Variants in IL3RA observed in about 807,000 individuals in gnomAD.
IL3RA encodes the protein interleukin 3 receptor subunit alpha, also known as interleukin-3 receptor subunit alpha.
A neutral mutation model predicts 52.3 loss-of-function variants in IL3RA; 73 were observed. The ratio of observed to expected loss-of-function variants is 1.40; its 90% CI spans 1.16 to 1.70. The LOEUF (loss-of-function observed/expected upper bound fraction) is 1.70, where lower values mean the gene tolerates loss of function less well. Among genes scored for constraint, IL3RA ranks in the 40% most tolerant of loss-of-function variants. The pLI is 0.00. For synonymous variants in IL3RA, 260 were observed against 194.0 expected, an observed-to-expected ratio of 1.34 and a Z score of -2.83; for missense variants, 664 against 504.4, an observed-to-expected ratio of 1.32 and a Z score of -3.03.
chrX:1,361,718 A>G (rs370275940), intron 8 of IL3RA, among the ~76,000 whole-genome samples: 80 of 140,502 alleles, frequency 5.7e-4, no homozygotes, highest in African/African-American at 1.5e-3. Context: ...GCGCCACTGC[A>G]CTCCAGCCTG....
chrX:1,379,347 G>C (rs2089015041), intron 10 of IL3RA, among the ~76,000 whole-genome samples: 1 of 151,802 alleles, frequency 6.6e-6, no homozygotes, highest in Non-Finnish European at 1.5e-5. Context: ...GTGGAGACGG[G>C]GTTTCACCAT....
intron 8 of IL3RA, among the ~76,000 whole-genome samples, chrX:1,360,923 C>G (rs1439739492): frequency 3.3e-5 from 4 of 120,738 alleles, no homozygotes; most frequent in Non-Finnish European, 5.2e-5. Context: ...CTCCCTTCCC[C>G]TCTCTGTCTC....
intron 3 of IL3RA, 110 bp from the exon 4 acceptor site, chrX:1,348,321 C>G (rs1458676178): frequency 1.8e-4 from 153 of 842,392 alleles, no homozygotes; most frequent in Non-Finnish European, 2.7e-4. Context: ...CCACTGCACT[C>G]CAGCGTGGGC....
chrX:1,347,264 T>C (rs1472988011), intron 3 of IL3RA, among the ~76,000 whole-genome samples: 1 of 145,224 alleles, frequency 6.9e-6, no homozygotes, highest in Non-Finnish European at 1.5e-5. Flanking sequence ...GCTAACACGG[T>C]GAAACCCCGT....
rs1238498317 is a variant in IL3RA at position 1,349,871 on chromosome X, C to G, written c.298+1326C>G. ...AGAGACGGGGCTTCACCATGTTGGT[C>G]TCGAACTCCTGACCTTGTGATCCAC... On this transcript the variant is annotated intron_variant, in intron 4 of 11. Transcript: ENST00000331035. 4.6e-5 allele frequency among the ~76,000 whole-genome samples: 7 copies of G among 151,590 alleles called. No individual in the cohort carries two copies. In the South Asian group the frequency reaches 6.3e-4, roughly 14 times the overall value.
In IL3RA at chrX:1,362,090, C is replaced by T. The variant is rs745780446; in HGVS notation, c.760-3048C>T. 7.2e-5 allele frequency among the ~76,000 whole-genome samples: 11 copies of T among 151,904 alleles called. No individual in the cohort carries two copies. The East Asian group carries it at 2.1e-3, about 29-fold the overall frequency. The stretch of plus-strand genomic sequence containing the variant: ...TCTGTCTCCGTTTCTATCTCTGTCT[C>T]TCTCTGTCCATCACCCACTCTGTCT... On this transcript the variant is annotated intron_variant, in intron 8 of 11. Coordinates refer to ENST00000331035, the MANE Select transcript of IL3RA (RefSeq NM_002183.4).
intron 8 of IL3RA, among the ~76,000 whole-genome samples, chrX:1,363,326 A>C (rs1170404795): frequency 2.3e-5 from 3 of 132,400 alleles, no homozygotes; most frequent in Admixed American, 1.6e-4. Context: ...TTTGAGACGG[A>C]GTCTCGCTCT....
At chrX:1,346,356 T>A (rs1277992781) in intron 3 of IL3RA, among the ~76,000 whole-genome samples, 5 of 151,882 alleles carry the variant, frequency 3.3e-5, no homozygotes, top group Non-Finnish European at 1.5e-5. Flanking sequence ...GGAGAATCGC[T>A]TGAACCCGGG....
At chrX:1,339,702 G>T (rs1322675161) in intron 1 of IL3RA, among the ~76,000 whole-genome samples, 2 of 152,098 alleles carry the variant, frequency 1.3e-5, no homozygotes, top group Non-Finnish European at 2.9e-5. Flanking sequence ...TGAGGCAGGA[G>T]AATCGCTTGA....
In IL3RA at chrX:1,360,772, C is replaced by A. The variant is rs190964094; in HGVS notation, c.759+1885C>A. Among the ~76,000 whole-genome samples the A allele has an allele frequency of 4.1e-3, 620 of 152,036 alleles. 6 individuals are homozygous for A. The highest frequency in any genetic ancestry group is 0.014 in the African/African-American group (571 of 41,468). On this transcript the variant is annotated intron_variant, in intron 8 of 11. Coordinates refer to ENST00000331035, the MANE Select transcript of IL3RA (RefSeq NM_002183.4). ...CGAACTCCTGACCTCAGGCGATCCA[C>A]CTGCCTCATCCTCTCAAAGTGCTGG...
chrX:1,367,707 C>T (rs865910602), intron 9 of IL3RA, among the ~76,000 whole-genome samples: 315 of 99,994 alleles, frequency 3.2e-3, no homozygotes, highest in Non-Finnish European at 4.8e-3. Flanking sequence ...GAGCCGGGTG[C>T]GCGGGGTGAG....
At position 1,352,351 on chromosome X, in the gene IL3RA, A is replaced by G. The variant is rs1426466992; in HGVS notation, c.461A>G (p.Tyr154Cys). 1.2e-6 allele frequency: 2 copies of G among 1,613,850 alleles called. No individual in the cohort carries two copies. The highest frequency in any genetic ancestry group is 4.5e-5 in the East Asian group (2 of 44,870). The change falls in exon 6 of 12, where the codon TAC becomes TGC. Residue 154 changes from tyrosine (Y) to cysteine (C), a missense_variant. Transcript: ENST00000331035. The part of the protein sequence containing the change: ...NRRQQYECLH[Y>C]KTDAQGTRIG... ...CGTCAACAGTACGAGTGTCTTCACT[A>G]CAAAACGGATGCTCAGGGAACACGT...
At chrX:1,348,691 T>TTTC in intron 4 of IL3RA, 146 bp downstream of exon 4, 1 of 213,002 alleles carries the variant, frequency 4.7e-6, no homozygotes, top group South Asian at 6.0e-5. Flanking sequence ...TCTTTCTTTC[T>TTTC]TTTTCTTTCT....
At chrX:1,377,534 C>A (rs180850579) in intron 9 of IL3RA, among the ~76,000 whole-genome samples, 137 of 152,126 alleles carry the variant, frequency 9.0e-4, no homozygotes, top group African/African-American at 3.2e-3. Flanking sequence ...TGAGCCACCG[C>A]GCCCGGCCAA....
rs1247604652 is a variant in IL3RA, at chrX:1,348,684, T to TTCTTTCTTTCTTTCTTTC, written c.298+148_298+149insCTTTCTTTCTCTTTCTTT. The stretch of plus-strand genomic sequence containing the variant: ...TTTCTTTCTTTCTTTCTTTCTTTCT[T>TTCTTTCTTTCTTTCTTTC]TCTTTCTTTTTCTTTCTTTCTGTTT... On this transcript the variant is annotated intron_variant, in intron 4 of 11. Transcript: ENST00000331035. The TTCTTTCTTTCTTTCTTTC allele has an allele frequency of 9.9e-4, 271 of 272,640 alleles. 24 individuals carry two copies. The highest frequency in any genetic ancestry group is 1.6e-3 in the Non-Finnish European group (228 of 145,404). The allele number at this position is 272,640 out of a possible 1,614,324, so 16.9% of individuals were successfully genotyped here.
chrX:1,358,902 C>T lies in IL3RA; in HGVS notation c.759+15C>T, dbSNP rs750636186. On this transcript the variant is annotated intron_variant, in intron 8 of 11. Transcript: ENST00000331035. ...TCACAGAACAGGTGAGTGTTCCCTA[C>T]CCCCAGCCGCTGTACTTGACATTGC... The T allele has an allele frequency of 1.7e-5, 27 of 1,608,768 alleles. No homozygotes were observed. In the African/African-American group the frequency reaches 2.9e-4, roughly 18 times the overall value.
rs1474526573 is a variant in IL3RA at position 1,345,320 on chromosome X, A to G, written c.69A>G (p.Pro23=). 1.9e-6 allele frequency: 3 copies of G among 1,608,644 alleles called. No individual in the cohort carries two copies. Among genetic ancestry groups the G allele is most frequent in the Non-Finnish European group, 2.5e-6 (3 of 1,176,842 alleles). The change falls in exon 3 of 12, where the codon CCA becomes CCG. Residue 23 remains proline, a synonymous_variant. Transcript: ENST00000331035. ...LPCLLQTKED[P]NPPITNLRMK... ...TCCAACCTGTCACCGTTTTAGATCC[A>G]AACCCACCAATCACGAACCTAAGGA...
chrX:1,377,869 T>C (rs1174567119), intron 9 of IL3RA, among the ~76,000 whole-genome samples: 1 of 121,140 alleles, frequency 8.3e-6, no homozygotes, highest in Non-Finnish European at 1.6e-5. Context: ...CGAGACTCTG[T>C]CTCAAAAAAA....
intron 1 of IL3RA, among the ~76,000 whole-genome samples, chrX:1,338,193 C>A (rs762017206): frequency 3.2e-4 from 47 of 145,298 alleles, no homozygotes; most frequent in African/African-American, 1.2e-3. Flanking sequence ...TGAAAAGGAA[C>A]AAGCAGCTTT....
Sources: allele counts gnomAD v4.1 joint callset (sites outside exome capture counted in the v4.1 genomes callset), GRCh38; gene constraint gnomAD v4.1.1; transcripts MANE v1.5; gene names NCBI Gene and HGNC (gene_info 2026-07-23, HGNC 2026-07-21).